The following TLE1 variants were observed in gnomAD, a reference collection of about 807,000 sequenced individuals.
TLE1 encodes the protein TLE family member 1, transcriptional corepressor, also known as transducin-like enhancer protein 1.
TLE1 carries 21 observed loss-of-function variants against 89.8 expected under a neutral mutation model. That is an observed-to-expected ratio of 0.23 (90% CI 0.17 to 0.34). The LOEUF (loss-of-function observed/expected upper bound fraction) is 0.34. TLE1 is among the 10% of genes least tolerant of loss of function. The pLI, the probability that TLE1 is intolerant of heterozygous loss-of-function variation, is 1.00. For synonymous variants in TLE1, 447 were observed against 407.6 expected, an observed-to-expected ratio of 1.10 and a Z score of -1.16; for missense variants, 795 against 1,031.2, an observed-to-expected ratio of 0.77 and a Z score of 3.14.
At chr9:81,684,951 A>T (rs574181222) in intron 4 of TLE1, among the ~76,000 whole-genome samples, 1 of 151,934 alleles carries the variant, frequency 6.6e-6, no homozygotes, top group Non-Finnish European at 1.5e-5. Context: ...CCAGCTCAAT[A>T]CTCTTTTTAT....
intron 11 of TLE1, among the ~76,000 whole-genome samples, chr9:81,614,187 C>T (rs1443516333): frequency 1.3e-5 from 2 of 152,044 alleles, no homozygotes; most frequent in Non-Finnish European, 2.9e-5. Context: ...GGATTACAGG[C>T]CTGAGCCACC....
chr9:81,619,322 TA>T (rs1014738071), intron 9 of TLE1, among the ~76,000 whole-genome samples: 27 of 152,282 alleles, frequency 1.8e-4, no homozygotes, highest in African/African-American at 6.0e-4. Context: ...GGATCTCTGG[TA>T]AAATAATCCA....
intron 13 of TLE1, among the ~76,000 whole-genome samples, chr9:81,610,514 T>C (rs1823560576): frequency 6.6e-6 from 1 of 152,172 alleles, no homozygotes; most frequent in African/African-American, 2.4e-5. Context: ...AGAGAGGAGA[T>C]GTGATCTATT....
chr9:81,647,890 T>C (rs910128060), intron 6 of TLE1, among the ~76,000 whole-genome samples: 4 of 152,126 alleles, frequency 2.6e-5, no homozygotes, highest in African/African-American at 9.7e-5. Context: ...TGGTTAGAAA[T>C]AAAATATACA....
intron 1 of TLE1, 151 bp downstream of exon 1, chr9:81,688,066 C>T (rs945091955): frequency 2.7e-5 from 25 of 941,128 alleles, no homozygotes; most frequent in Non-Finnish European, 3.7e-5. Context: ...ACTCCCCACC[C>T]CAGGAAGAGA....
At chr9:81,595,377 A>C (rs567325546) in intron 14 of TLE1, among the ~76,000 whole-genome samples, 2 of 152,304 alleles carry the variant, frequency 1.3e-5, no homozygotes, top group East Asian at 3.9e-4. Flanking sequence ...CATGTCCTAC[A>C]AGAATTCTAG....
chr9:81,660,403 ATTTTT>A (rs944703382), intron 4 of TLE1, among the ~76,000 whole-genome samples: 1 of 150,904 alleles, frequency 6.6e-6, no homozygotes, highest in East Asian at 2.0e-4. Context: ...GTATGGTTTT[ATTTTT>A]TTATTTTATT....
intron 9 of TLE1, among the ~76,000 whole-genome samples, chr9:81,618,167 G>A (rs1047677113): frequency 2.0e-5 from 3 of 152,138 alleles, no homozygotes; most frequent in Non-Finnish European, 4.4e-5. Flanking sequence ...GTAGGCATAT[G>A]GAAAAAGCAG....
rs572487023 is a variant in TLE1, at chr9:81,624,547, ATATT to A, written c.595-3994_595-3991del. On this transcript the variant is annotated intron_variant, in intron 8 of 19. Coordinates refer to ENST00000376499, the MANE Select transcript of TLE1 (RefSeq NM_005077.5). ...TTTCAAATATTTATTTGCCAAATAAATATTTAATCGAGAATCAGCTTTTTGATCA... is the reference window on the plus strand; with the variant it reads ...TTTCAAATATTTATTTGCCAAATAAATAATCGAGAATCAGCTTTTTGATCA... Among the ~76,000 whole-genome samples the A allele has an allele frequency of 3.7e-3, 564 of 152,344 alleles. 2 individuals carry two copies. The highest frequency in any genetic ancestry group is 0.012 in the African/African-American group (510 of 41,590).
chr9:81,647,054 T>C (rs1828942707), intron 6 of TLE1, among the ~76,000 whole-genome samples: 1 of 152,046 alleles, frequency 6.6e-6, no homozygotes, highest in Non-Finnish European at 1.5e-5. Flanking sequence ...CTCTTGTGCA[T>C]AGGTTATATG....
At chr9:81,654,101 C>A in intron 4 of TLE1, 65 bp from the exon 5 acceptor site, 1 of 1,492,470 alleles carries the variant, frequency 6.7e-7, no homozygotes. Context: ...GGTAAAACTT[C>A]ATACCCCTAA....
In TLE1 at chr9:81,587,813, G is replaced by A; in HGVS notation, c.1845C>T (p.His615=). The part of the protein sequence containing the change: ...NQTLVRQFQG[H]TDGASCIDIS... ...TGTCAATACAGCTGGCTCCGTCTGTGTGGCCCTGGAATTGCCTGATAAAAC... is the reference window on the plus strand; with the variant it reads ...TGTCAATACAGCTGGCTCCGTCTGTATGGCCCTGGAATTGCCTGATAAAAC... The change falls in exon 17 of 20, where the codon CAC becomes CAT. Residue 615 remains histidine, a synonymous_variant. Coordinates refer to ENST00000376499, the MANE Select transcript of TLE1 (RefSeq NM_005077.5). 3.1e-6 allele frequency: 5 copies of A among 1,614,006 alleles called. No individual in the cohort carries two copies. Among genetic ancestry groups the A allele is most frequent in the Non-Finnish European group, 4.2e-6 (5 of 1,180,010 alleles).
intron 4 of TLE1, among the ~76,000 whole-genome samples, chr9:81,682,907 C>T (rs959607778): frequency 9.2e-5 from 14 of 152,180 alleles, no homozygotes; most frequent in African/African-American, 3.4e-4. Context: ...TGTTTCATTG[C>T]CTTTTCGGTA....
At chr9:81,685,591 G>C in intron 4 of TLE1, 85 bp downstream of exon 4, 10 of 1,391,092 alleles carry the variant, frequency 7.2e-6, no homozygotes, top group South Asian at 1.2e-5. Context: ...CCCACCCCTA[G>C]AGCCCACTAC....
rs1330399132 is a variant in TLE1, at chr9:81,689,521, G to C, written c.-1281C>G. Among the ~76,000 whole-genome samples the C allele has an allele frequency of 6.6e-6, 1 of 152,084 alleles. No homozygotes were observed. The highest frequency in any genetic ancestry group is 2.1e-4 in the South Asian group (1 of 4,830). On this transcript the variant is annotated 5_prime_UTR_variant, in exon 1 of 20. Coordinates refer to ENST00000376499, the MANE Select transcript of TLE1 (RefSeq NM_005077.5). ...AGCCGCCGCTCCCACCGCCGCCGCC[G>C]CCCGCGCCTCTCGCGCCGCTTACAT...
intron 8 of TLE1, among the ~76,000 whole-genome samples, chr9:81,629,135 G>A (rs1441329741): frequency 1.3e-5 from 2 of 152,018 alleles, no homozygotes; most frequent in African/African-American, 4.8e-5. Context: ...AACAGTACTC[G>A]GGCACATAGT....
In TLE1 at chr9:81,590,821, T is replaced by C. The variant is rs1829379673; in HGVS notation, c.1813A>G (p.Asn605Asp). The C allele has an allele frequency of 1.2e-6, 2 of 1,614,070 alleles. No individual in the cohort carries two copies. Among genetic ancestry groups the C allele is most frequent in the Non-Finnish European group, 1.7e-6 (2 of 1,180,030 alleles). The change falls in exon 16 of 20, where the codon AAC becomes GAC. Residue 605 changes from asparagine (N) to aspartate (D), a missense_variant. Transcript: ENST00000376499. ...DGNIAVWDLHNQTLVRQFQGH... is the reference protein window; with the variant it reads ...DGNIAVWDLHDQTLVRQFQGH... ...TTTGCTCACCTCACTAGTGTCTGGT[T>C]GTGCAGATCCCACACAGCGATGTTG...
intron 8 of TLE1, among the ~76,000 whole-genome samples, chr9:81,624,139 C>T (rs1053264367): frequency 1.3e-5 from 2 of 152,216 alleles, no homozygotes; most frequent in African/African-American, 4.8e-5. Flanking sequence ...CTGCACTTAA[C>T]ATTCTAATGT....
At chr9:81,657,941 G>A (rs942690451) in intron 4 of TLE1, among the ~76,000 whole-genome samples, 6 of 132,196 alleles carry the variant, frequency 4.5e-5, no homozygotes, top group Non-Finnish European at 6.2e-5. Context: ...ACAGAGTCTC[G>A]CTCTGTCACC....
Sources: gnomAD v4.1 joint callset for allele counts (sites outside exome capture counted in the v4.1 genomes callset) on GRCh38, gnomAD v4.1.1 for gene constraint, MANE v1.5 for transcripts, NCBI Gene and HGNC (gene_info 2026-07-23, HGNC 2026-07-21) for gene names.